Variants in CDK14 observed in about 807,000 individuals in gnomAD.
CDK14 encodes cyclin-dependent kinase 14.
In CDK14, 34 loss-of-function variants were observed where a neutral mutation model predicts 60.7. That is an observed-to-expected ratio of 0.56 (90% CI 0.43 to 0.75). The LOEUF (loss-of-function observed/expected upper bound fraction) is 0.75. Ranked by LOEUF, CDK14 falls within the 30% of genes least tolerant of loss-of-function variation. The pLI, the probability that CDK14 is intolerant of heterozygous loss-of-function variation, is 0.00. For synonymous variants in CDK14, 197 were observed against 203.7 expected (o/e 0.97, Z 0.28); for missense variants, 482 against 564.1 (o/e 0.85, Z 1.47).
At chr7:90,946,319 A>G (rs992078001) in intron 8 of CDK14, among the ~76,000 whole-genome samples, 2 of 152,122 alleles carry the variant, frequency 1.3e-5, no homozygotes, top group African/African-American at 4.8e-5. Context: ...GCAATGCCCA[A>G]CTCCAATTTC....
chr7:91,053,203 G>A (rs1159591383), intron 11 of CDK14, among the ~76,000 whole-genome samples: 1 of 152,162 alleles, frequency 6.6e-6, no homozygotes, highest in East Asian at 1.9e-4. Context: ...TCATTTGATA[G>A]TTAGAATAAC....
chr7:91,173,900 A>G (rs1272098860), intron 14 of CDK14, among the ~76,000 whole-genome samples: 1 of 152,256 alleles, frequency 6.6e-6, no homozygotes, highest in East Asian at 1.9e-4. Context: ...GCCATTGCAC[A>G]GGCTTGATTA....
intron 9 of CDK14, among the ~76,000 whole-genome samples, chr7:90,959,756 C>G (rs754987478): frequency 6.6e-6 from 1 of 152,198 alleles, no homozygotes; most frequent in Non-Finnish European, 1.5e-5. Context: ...GGCCGTGTTA[C>G]GATTTCCTCC....
intron 2 of CDK14, chr7:90,709,714 T>C (rs1313807204): frequency 6.1e-6 from 9 of 1,473,164 alleles, no homozygotes; most frequent in African/African-American, 1.4e-5. Flanking sequence ...TGAGTTCTTC[T>C]CAACAGTTTT....
At chr7:91,104,151 C>T (rs1023065704) in intron 12 of CDK14, among the ~76,000 whole-genome samples, 2 of 151,886 alleles carry the variant, frequency 1.3e-5, no homozygotes, top group Non-Finnish European at 2.9e-5. Flanking sequence ...GTCTCTTGTC[C>T]CACATACCCT....
intron 2 of CDK14, among the ~76,000 whole-genome samples, chr7:90,610,681 A>G (rs1400863107): frequency 1.3e-5 from 2 of 152,126 alleles, no homozygotes; most frequent in African/African-American, 2.4e-5. Flanking sequence ...CTAGATGACT[A>G]CCTTCTCCCT....
intron 2 of CDK14, among the ~76,000 whole-genome samples, chr7:90,652,774 C>G (rs777736562): frequency 3.1e-4 from 47 of 152,184 alleles, no homozygotes; most frequent in Non-Finnish European, 5.4e-4. Flanking sequence ...AGTGATAAAC[C>G]TGAGGCTTAA....
intron 10 of CDK14, among the ~76,000 whole-genome samples, chr7:91,039,906 G>A (rs1055261084): frequency 6.6e-6 from 1 of 152,046 alleles, no homozygotes; most frequent in Non-Finnish European, 1.5e-5. Context: ...GGGCAACACA[G>A]TGGGACCCCA....
At chr7:90,990,760 A>G (rs558580490) in intron 10 of CDK14, among the ~76,000 whole-genome samples, 34 of 152,358 alleles carry the variant, frequency 2.2e-4, no homozygotes, top group African/African-American at 4.8e-4. Context: ...TAATTATACT[A>G]TAATATCTTA....
intron 2 of CDK14, among the ~76,000 whole-genome samples, chr7:90,605,304 T>G (rs1170179811): frequency 6.6e-6 from 1 of 152,224 alleles, no homozygotes; most frequent in Non-Finnish European, 1.5e-5. Context: ...CTGCTTCATC[T>G]GCTGCACCTG....
intron 14 of CDK14, among the ~76,000 whole-genome samples, chr7:91,157,032 T>G (rs1243103939): frequency 6.6e-6 from 1 of 152,208 alleles, no homozygotes; most frequent in Non-Finnish European, 1.5e-5. Context: ...TCTTAAGTGC[T>G]CAGAGAGATT....
chr7:90,673,457 G>A (rs1205053380), intron 2 of CDK14, among the ~76,000 whole-genome samples: 1 of 145,824 alleles, frequency 6.9e-6, no homozygotes, highest in Middle Eastern at 3.2e-3. Context: ...GGAGTGCTGT[G>A]GCACAATCAC....
At chr7:90,638,474 C>G (rs1249728381) in intron 2 of CDK14, among the ~76,000 whole-genome samples, 1 of 152,200 alleles carries the variant, frequency 6.6e-6, no homozygotes, top group Non-Finnish European at 1.5e-5. Flanking sequence ...TCTCTTCTGG[C>G]TTTTAGAGTT....
intron 14 of CDK14, among the ~76,000 whole-genome samples, chr7:91,188,881 C>T (rs1802269541): frequency 6.6e-6 from 1 of 152,074 alleles, no homozygotes; most frequent in Admixed American, 6.5e-5. Flanking sequence ...AAAATAAAAT[C>T]TTTTTAGATT....
chr7:90,815,202 A>G (rs771541483), intron 5 of CDK14, among the ~76,000 whole-genome samples: 6 of 152,220 alleles, frequency 3.9e-5, no homozygotes, highest in Non-Finnish European at 5.9e-5. Flanking sequence ...CTGACTAGTA[A>G]TATCCAAACT....
At chr7:91,013,779 A>G (rs904792808) in intron 10 of CDK14, among the ~76,000 whole-genome samples, 9 of 151,160 alleles carry the variant, frequency 6.0e-5, no homozygotes, top group African/African-American at 1.9e-4. Context: ...CAAGCTTTAT[A>G]TAACAGAATT....
intron 14 of CDK14, among the ~76,000 whole-genome samples, chr7:91,194,987 AG>A (rs1802487937): frequency 6.6e-6 from 1 of 152,204 alleles, no homozygotes; most frequent in African/African-American, 2.4e-5. Flanking sequence ...TGCATTCTCC[AG>A]CTCTGTTGCC....
At chr7:90,665,786 A>G (rs1048343949) in intron 2 of CDK14, among the ~76,000 whole-genome samples, 3 of 152,204 alleles carry the variant, frequency 2.0e-5, no homozygotes, top group Non-Finnish European at 4.4e-5. Context: ...GTAGTATTCC[A>G]TAAGTGAATT....
chr7:91,141,685 A>G (rs11763415), intron 14 of CDK14, among the ~76,000 whole-genome samples: 47,614 of 152,008 alleles, frequency 0.31, 7,702 homozygotes, highest in East Asian at 0.38. Context: ...GGGCATTCCA[A>G]CCTACAGTTA....
Sources: gnomAD v4.1 joint callset for allele counts (sites outside exome capture counted in the v4.1 genomes callset) on GRCh38, gnomAD v4.1.1 for gene constraint, MANE v1.5 for transcripts, NCBI Gene and HGNC (gene_info 2026-07-23, HGNC 2026-07-21) for gene names.